The following DLC1 variants were observed in gnomAD, a reference collection of about 807,000 sequenced individuals.
The protein encoded by DLC1 is DLC1 Rho GTPase activating protein, also known as rho GTPase-activating protein 7.
A neutral mutation model predicts 140.3 loss-of-function variants in DLC1; 54 were observed. The observed-to-expected ratio is 0.38, with a 90% CI of 0.31 to 0.48. DLC1 has a LOEUF of 0.48. Ranked by LOEUF, DLC1 falls within the 20% of genes least tolerant of loss-of-function variation. DLC1 has a pLI of 0.96. For missense variants in DLC1, 2,536 were observed against 1,907.0 expected (o/e 1.33, Z -6.14); for synonymous variants, 986 against 728.1 (o/e 1.35, Z -5.70).
At chr8:13,195,383 G>A (rs148444309) in intron 5 of DLC1, among the ~76,000 whole-genome samples, 6 of 152,178 alleles carry the variant, frequency 3.9e-5, no homozygotes, top group African/African-American at 7.2e-5. Context: ...AGCAACAGCC[G>A]CATCGACATT....
intron 4 of DLC1, among the ~76,000 whole-genome samples, chr8:13,362,827 A>G (rs1341625895): frequency 1.3e-5 from 2 of 151,864 alleles, no homozygotes; most frequent in Non-Finnish European, 2.9e-5. Flanking sequence ...CCTGTTTAGA[A>G]TTCTCTTCTG....
intron 1 of DLC1, among the ~76,000 whole-genome samples, chr8:13,591,810 A>T (rs1805525221): frequency 6.6e-6 from 1 of 152,104 alleles, no homozygotes; most frequent in African/African-American, 2.4e-5. Flanking sequence ...ATAGATTTTG[A>T]CTTCAACAAC....
chr8:13,122,254 G>A (rs894361346), intron 5 of DLC1, among the ~76,000 whole-genome samples: 1 of 152,118 alleles, frequency 6.6e-6, no homozygotes, highest in African/African-American at 2.4e-5. Flanking sequence ...TCACAGTTTG[G>A]CATCTGCCTA....
chr8:13,425,805 C>G (rs1022588360), intron 2 of DLC1, among the ~76,000 whole-genome samples: 1 of 152,140 alleles, frequency 6.6e-6, no homozygotes, highest in African/African-American at 2.4e-5. Context: ...GTGATAGGGT[C>G]TCACTGTTGC....
intron 2 of DLC1, among the ~76,000 whole-genome samples, chr8:13,445,485 C>G (rs1026384483): frequency 4.6e-5 from 7 of 152,278 alleles, no homozygotes; most frequent in South Asian, 2.1e-4. Context: ...GTCCAACATT[C>G]TACCCTCAAC....
At chr8:13,548,368 A>G (rs1226922277) in intron 1 of DLC1, among the ~76,000 whole-genome samples, 1 of 10,964 alleles carries the variant, frequency 9.1e-5, no homozygotes, top group African/African-American at 1.3e-4. Context: ...ATTGCTGTGT[A>G]CTACACACCC....
Position 13,219,084 on chromosome 8 carries a change from A to ATATACGAATATAAT in DLC1, c.1348+86184_1348+86185insATTATATTCGTATA, listed in dbSNP as rs1554473326. 5.6e-3 allele frequency among the ~76,000 whole-genome samples: 444 copies of ATATACGAATATAAT among 78,748 alleles called. 22 individuals carry two copies. Among genetic ancestry groups the ATATACGAATATAAT allele is most frequent in the African/African-American group, 6.9e-3 (106 of 15,358 alleles). 51.7% of individuals were successfully genotyped at this position (78,748 alleles called of 152,430 possible). On this transcript the variant is annotated intron_variant, in intron 5 of 17. Coordinates refer to ENST00000276297, the MANE Select transcript of DLC1 (RefSeq NM_182643.3). ...ATTACGTGAATATAATTATATAATT[A>ATATACGAATATAAT]TATGTGAATGTAATTATATAATTAT...
At chr8:13,471,923 A>C (rs1482389564) in intron 2 of DLC1, among the ~76,000 whole-genome samples, 1 of 152,162 alleles carries the variant, frequency 6.6e-6, no homozygotes, top group Non-Finnish European at 1.5e-5. Flanking sequence ...GCAGCCATGG[A>C]GCTCTCCCAC....
At chr8:13,154,628 G>A (rs1197115180) in intron 5 of DLC1, among the ~76,000 whole-genome samples, 2 of 152,198 alleles carry the variant, frequency 1.3e-5, no homozygotes, top group African/African-American at 4.8e-5. Context: ...GTCTCAGCCA[G>A]CCCAGAGAGG....
intron 2 of DLC1, among the ~76,000 whole-genome samples, chr8:13,408,868 G>T (rs1585056899): frequency 6.6e-6 from 1 of 151,896 alleles, no homozygotes; most frequent in Non-Finnish European, 1.5e-5. Flanking sequence ...ACTTTTCTTG[G>T]TTTGAAAACA....
intron 2 of DLC1, among the ~76,000 whole-genome samples, chr8:13,447,088 G>T (rs1009733927): frequency 6.6e-6 from 1 of 152,154 alleles, no homozygotes; most frequent in African/African-American, 2.4e-5. Flanking sequence ...TTCCCTGTGT[G>T]TAGAGCTCTA....
At chr8:13,464,223 C>T (rs566755146) in intron 2 of DLC1, among the ~76,000 whole-genome samples, 61 of 152,196 alleles carry the variant, frequency 4.0e-4, no homozygotes, top group African/African-American at 1.4e-3. Context: ...GTGAAGAAGG[C>T]CAAGTGCCCA....
At chr8:13,402,667 A>G (rs879753596) in intron 2 of DLC1, among the ~76,000 whole-genome samples, 13 of 152,250 alleles carry the variant, frequency 8.5e-5, no homozygotes, top group Non-Finnish European at 1.6e-4. Context: ...ACATCTTGAC[A>G]GAAGCCTGAG....
At chr8:13,090,809 CTT>C (rs34506663) in intron 14 of DLC1, among the ~76,000 whole-genome samples, 10 of 140,620 alleles carry the variant, frequency 7.1e-5, no homozygotes, top group Non-Finnish European at 9.2e-5. Flanking sequence ...TTCTTTCTTT[CTT>C]TTTTTTTTTT....
At chr8:13,435,214 C>T (rs964536237) in intron 2 of DLC1, among the ~76,000 whole-genome samples, 1 of 152,170 alleles carries the variant, frequency 6.6e-6, no homozygotes, top group Non-Finnish European at 1.5e-5. Flanking sequence ...TCCAAGACTT[C>T]AGTGGAAAAT....
chr8:13,543,167 A>G (rs918959601), intron 1 of DLC1, among the ~76,000 whole-genome samples: 4 of 152,190 alleles, frequency 2.6e-5, no homozygotes, highest in Non-Finnish European at 4.4e-5. Flanking sequence ...ATTTTAGAAT[A>G]AATATTCAAT....
At chr8:13,579,337 A>ATTTTTT (rs1563453860) in intron 1 of DLC1, among the ~76,000 whole-genome samples, 1 of 20,392 alleles carries the variant, frequency 4.9e-5, no homozygotes, top group African/African-American at 1.8e-4. Context: ...ATATATATAT[A>ATTTTTT]TATATATATA....
chr8:13,348,098 CAAACAAACAAAT>C (rs975719489), intron 4 of DLC1, among the ~76,000 whole-genome samples: 4 of 102,122 alleles, frequency 3.9e-5, no homozygotes, highest in African/African-American at 6.6e-5. Context: ...CAAAAACAAA[CAAACAAACAAAT>C]AAACAAACAA....
chr8:13,480,351 A>G (rs975165814), intron 2 of DLC1, among the ~76,000 whole-genome samples: 1 of 152,218 alleles, frequency 6.6e-6, no homozygotes, highest in East Asian at 1.9e-4. Context: ...GAACATGGAC[A>G]TGGGAAAGAT....
Sources: allele counts gnomAD v4.1 joint callset (sites outside exome capture counted in the v4.1 genomes callset), GRCh38; gene constraint gnomAD v4.1.1; transcripts MANE v1.5; gene names NCBI Gene and HGNC (gene_info 2026-07-23, HGNC 2026-07-21).